Variants in RBPJ observed in about 807,000 individuals in gnomAD.
RBPJ encodes recombining binding protein suppressor of hairless.
RBPJ carries 9 observed loss-of-function variants against 67.8 expected under a neutral mutation model. That is an observed-to-expected ratio of 0.13 (90% CI 0.08 to 0.23). RBPJ has a LOEUF of 0.23. RBPJ is among the 10% of genes least tolerant of loss of function. The probability of loss-of-function intolerance (pLI) is 1.00; values close to 1 mark genes in which losing one functional copy is unlikely to be tolerated. For synonymous variants in RBPJ, 198 were observed against 203.3 expected, an observed-to-expected ratio of 0.97 and a Z score of 0.22; for missense variants, 305 against 595.6, an observed-to-expected ratio of 0.51 and a Z score of 5.08.
intron 1 of RBPJ, among the ~76,000 whole-genome samples, chr4:26,262,671 C>T (rs1416631382): frequency 3.9e-5 from 6 of 152,090 alleles, no homozygotes; most frequent in Non-Finnish European, 8.8e-5. Flanking sequence ...GCTCTATTTC[C>T]CTTGTTTCAA....
In RBPJ at chr4:26,420,721, T is replaced by G. The variant is rs1349516784; in HGVS notation, c.492T>G (p.Ala164=). ...AAAAGAAGCAGTCATTGAAAAATGC[T>G]GACTGTATGTATGCTTTTCTTATTT... The part of the protein sequence containing the change: ...PSKKKQSLKN[A]DLCIASGTKV... The change falls in exon 5 of 11, where the codon GCT becomes GCG. Residue 164 remains alanine, a synonymous_variant. Coordinates refer to ENST00000355476, the MANE Select transcript of RBPJ (RefSeq NM_015874.6). The G allele has an allele frequency of 4.3e-6, 7 of 1,609,572 alleles. No homozygotes were observed. The highest frequency in any genetic ancestry group is 4.2e-6 in the Non-Finnish European group (5 of 1,178,004).
At chr4:26,114,949 A>G in the RBPJ span, among the ~76,000 whole-genome samples, 1 of 152,194 alleles carries the variant, frequency 6.6e-6, no homozygotes, top group East Asian at 1.9e-4. Flanking sequence ...ACTTCTAATT[A>G]GGTTGCTACA....
chr4:26,340,758 C>T (rs1725429810), intron 1 of RBPJ, among the ~76,000 whole-genome samples: 1 of 151,610 alleles, frequency 6.6e-6, no homozygotes, highest in Non-Finnish European at 1.5e-5. Context: ...GCTTGGGAGG[C>T]TGAGGCAGGA....
chr4:26,186,787 A>T (rs751288686), intron 1 of RBPJ, among the ~76,000 whole-genome samples: 2 of 152,236 alleles, frequency 1.3e-5, no homozygotes, highest in Non-Finnish European at 2.9e-5. Flanking sequence ...TCTATTTAAG[A>T]TTAAATGATT....
chr4:26,297,418 T>C (rs1470021350), intron 1 of RBPJ, among the ~76,000 whole-genome samples: 1 of 151,556 alleles, frequency 6.6e-6, no homozygotes, highest in African/African-American at 2.4e-5. Context: ...GGGGGATGTA[T>C]AGGGAGAATG....
chr4:26,170,956 T>G (rs1716556832), intron 1 of RBPJ, among the ~76,000 whole-genome samples: 1 of 152,194 alleles, frequency 6.6e-6, no homozygotes, highest in African/African-American at 2.4e-5. Flanking sequence ...GCAAAGCACC[T>G]AGTAAGGTGC....
chr4:26,315,668 G>C (rs1017936069), upstream of RBPJ, among the ~76,000 whole-genome samples: 1 of 152,146 alleles, frequency 6.6e-6, no homozygotes, highest in Admixed American at 6.6e-5. Context: ...AAATTTACCA[G>C]GGCAGGATTT....
At chr4:26,161,377 A>G (rs1257475840), upstream of RBPJ, among the ~76,000 whole-genome samples, 1 of 152,264 alleles carries the variant, frequency 6.6e-6, no homozygotes, top group East Asian at 1.9e-4. Context: ...TGGTGTAGGC[A>G]AAAGCAAACT....
At chr4:26,252,200 C>T (rs558841883) in intron 1 of RBPJ, among the ~76,000 whole-genome samples, 1 of 151,802 alleles carries the variant, frequency 6.6e-6, no homozygotes, top group South Asian at 2.1e-4. Flanking sequence ...ATTTTGTACC[C>T]ATTAAGTAAT....
At chr4:26,141,849 T>C in the RBPJ span, among the ~76,000 whole-genome samples, 3 of 152,202 alleles carry the variant, frequency 2.0e-5, no homozygotes, top group Non-Finnish European at 4.4e-5. Context: ...CTACTCTACT[T>C]CTAGCAGAAT....
intron 1 of RBPJ, among the ~76,000 whole-genome samples, chr4:26,301,485 G>T (rs193248092): frequency 6.6e-6 from 1 of 151,658 alleles, no homozygotes; most frequent in Non-Finnish European, 1.5e-5. Context: ...CCAGCTACTC[G>T]GGAGGCTGAG....
chr4:26,342,662 G>A (rs1400835164), intron 1 of RBPJ, among the ~76,000 whole-genome samples: 1 of 152,134 alleles, frequency 6.6e-6, no homozygotes, highest in Non-Finnish European at 1.5e-5. Flanking sequence ...CAGGGAATAG[G>A]TTTATGTGGA....
chr4:26,192,965 G>A (rs1337287496), intron 1 of RBPJ, among the ~76,000 whole-genome samples: 4 of 152,156 alleles, frequency 2.6e-5, no homozygotes, highest in Non-Finnish European at 4.4e-5. Context: ...GGAGACAGAA[G>A]AACCAGAATC....
chr4:26,159,406 G>T (rs1716037402), upstream of RBPJ, among the ~76,000 whole-genome samples: 1 of 152,144 alleles, frequency 6.6e-6, no homozygotes, highest in Non-Finnish European at 1.5e-5. Context: ...GATAGATGAT[G>T]CCATGCCCCT....
At chr4:26,373,965 C>T (rs961673217) in intron 1 of RBPJ, among the ~76,000 whole-genome samples, 2 of 135,242 alleles carry the variant, frequency 1.5e-5, no homozygotes, top group Non-Finnish European at 3.0e-5. Context: ...GTCACCCAGG[C>T]TGGAGTGCAG....
chr4:26,419,234 C>T (rs569449625), intron 4 of RBPJ, among the ~76,000 whole-genome samples: 2 of 152,272 alleles, frequency 1.3e-5, no homozygotes, highest in Admixed American at 1.3e-4. Context: ...CCACCTTGGC[C>T]TCCCAAAGTG....
intron 1 of RBPJ, among the ~76,000 whole-genome samples, chr4:26,244,826 G>T (rs1577353567): frequency 6.6e-6 from 1 of 151,924 alleles, no homozygotes; most frequent in Non-Finnish European, 1.5e-5. Flanking sequence ...TAGAGGCGAG[G>T]TTTTGACATG....
intron 1 of RBPJ, among the ~76,000 whole-genome samples, chr4:26,262,036 C>T (rs1199561704): frequency 1.3e-5 from 2 of 152,202 alleles, no homozygotes; most frequent in African/African-American, 2.4e-5. Context: ...GCCTTGGCCT[C>T]CTGGGCTCAA....
chr4:26,385,921 G>A (rs1365567236), intron 1 of RBPJ, among the ~76,000 whole-genome samples: 1 of 151,910 alleles, frequency 6.6e-6, no homozygotes, highest in African/African-American at 2.4e-5. Flanking sequence ...TCCCACTTCA[G>A]CCTCCTGAGT....
Sources: allele counts gnomAD v4.1 joint callset (sites outside exome capture counted in the v4.1 genomes callset), GRCh38; gene constraint gnomAD v4.1.1; transcripts MANE v1.5; gene names NCBI Gene and HGNC (gene_info 2026-07-23, HGNC 2026-07-21).